The following HACL1 variants were observed in gnomAD, a reference collection of about 807,000 sequenced individuals.
The protein encoded by HACL1 is 1600020H07Rik.
HACL1 carries 64 observed loss-of-function variants against 74.2 expected under a neutral mutation model. The ratio of observed to expected loss-of-function variants is 0.86; its 90% CI spans 0.70 to 1.06. HACL1 has a LOEUF of 1.06. Ranked by LOEUF, HACL1 falls within the 50% of genes least tolerant of loss-of-function variation. The pLI is 0.00. For missense variants in HACL1, 728 were observed against 719.7 expected, an observed-to-expected ratio of 1.01 and a Z score of -0.13; for synonymous variants, 230 against 238.8, an observed-to-expected ratio of 0.96 and a Z score of 0.34.
At position 15,567,206 on chromosome 3, in the gene HACL1, C is replaced by CTT. The variant is rs34317560; in HGVS notation, c.1409+636_1409+637dup. Among the ~76,000 whole-genome samples, 543 of 81,120 alleles carry CTT rather than the reference C, an allele frequency of 6.7e-3. 9 individuals carry two copies. Among genetic ancestry groups the CTT allele is most frequent in the Non-Finnish European group, 7.8e-3 (324 of 41,412 alleles). The allele number at this position is 81,120 out of a possible 152,430, so 53.2% of individuals were successfully genotyped here. ...CCATTTGTCCCACAAGCCATGCTGC[C>CTT]TTTTTTTTTTTTTTTTTTTTTTGAG... On this transcript the variant is annotated intron_variant, in intron 14 of 16. Coordinates refer to ENST00000321169, the MANE Select transcript of HACL1 (RefSeq NM_012260.4).
chr3:15,591,989 CCT>C (rs1439299943), intron 3 of HACL1, among the ~76,000 whole-genome samples: 7 of 146,810 alleles, frequency 4.8e-5, no homozygotes, highest in African/African-American at 1.5e-4. Flanking sequence ...ACACTATATA[CCT>C]ATAGTATATA....
intron 5 of HACL1, 33 bp from the exon 6 acceptor site, chr3:15,586,635 G>A (rs1237967231): frequency 8.2e-7 from 1 of 1,222,190 alleles, no homozygotes; most frequent in Admixed American, 1.8e-5. Flanking sequence ...TTAAAATTCA[G>A]CTCACAATCA....
At chr3:15,574,015 T>C (rs1276831843) in intron 10 of HACL1, among the ~76,000 whole-genome samples, 1 of 152,206 alleles carries the variant, frequency 6.6e-6, no homozygotes, top group East Asian at 1.9e-4. Context: ...AATTAGAAGT[T>C]GACTCCTTAA....
intron 5 of HACL1, among the ~76,000 whole-genome samples, chr3:15,588,595 A>G (rs948971253): frequency 1.3e-5 from 2 of 152,048 alleles, no homozygotes; most frequent in African/African-American, 4.8e-5. Flanking sequence ...CCTGTCTCAA[A>G]AAAGAAAAAA....
At chr3:15,594,406 TAAATAAATATTGAACTTG>T (rs962530167) in intron 3 of HACL1, among the ~76,000 whole-genome samples, 2 of 152,128 alleles carry the variant, frequency 1.3e-5, no homozygotes, top group African/African-American at 4.8e-5. Flanking sequence ...AGACTCCAAA[TAAATAAATATTGAACTTG>T]AATGTTTTAC....
chr3:15,598,349 T>C (rs2064110824), intron 2 of HACL1, among the ~76,000 whole-genome samples: 1 of 152,190 alleles, frequency 6.6e-6, no homozygotes, highest in African/African-American at 2.4e-5. Context: ...ATAAAAGATC[T>C]GTTCCTCTAC....
At chr3:15,583,196 G>A (rs1276141020) in intron 7 of HACL1, among the ~76,000 whole-genome samples, 1 of 152,078 alleles carries the variant, frequency 6.6e-6, no homozygotes, top group Non-Finnish European at 1.5e-5. Context: ...CTATTTTAAA[G>A]TAAATAGGCA....
chr3:15,586,558 G>A lies in HACL1; in HGVS notation c.426C>T (p.Ser142=), dbSNP rs368977501. The change falls in exon 6 of 17, where the codon AGC becomes AGT. Residue 142 remains serine (S), a synonymous_variant. Coordinates refer to ENST00000321169, the MANE Select transcript of HACL1 (RefSeq NM_012260.4). The part of the protein sequence containing the change: ...RLYTKFSARP[S]SIEAIPFVIE... ...TAACAAAAGGAATAGCTTCTATGCTGCTTGGGCGGGCAGAGAACTTGGTAT... is the reference window on the plus strand; with the variant it reads ...TAACAAAAGGAATAGCTTCTATGCTACTTGGGCGGGCAGAGAACTTGGTAT... 47 of 1,599,828 alleles carry A rather than the reference G, an allele frequency of 2.9e-5. No homozygotes were observed. The highest frequency in any genetic ancestry group is 3.9e-5 in the Non-Finnish European group (46 of 1,168,278).
intron 11 of HACL1, among the ~76,000 whole-genome samples, chr3:15,572,323 TAACA>T (rs1327753626): frequency 6.6e-6 from 1 of 152,116 alleles, no homozygotes; most frequent in Non-Finnish European, 1.5e-5. Context: ...TGCCAGATGC[TAACA>T]CCTGATAGAA....
Position 15,601,515 on chromosome 3 carries a change from A to C in HACL1, c.-52T>G. On this transcript the variant is annotated 5_prime_UTR_variant, in exon 1 of 17. It removes an upstream start codon present in the reference 5' UTR. Transcript: ENST00000321169. The stretch of plus-strand genomic sequence containing the variant: ...ACGCAGCCGGCAAACAAGCGGAATC[A>C]TCCAGCAAGGCAAACGCGAAATCGG... The C allele has an allele frequency of 6.2e-7, 1 of 1,609,268 alleles. No homozygotes were observed. Among genetic ancestry groups the C allele is most frequent in the African/African-American group, 1.3e-5 (1 of 75,032 alleles).
At chr3:15,575,145 T>C (rs2063601516) in intron 9 of HACL1, 63 bp from the exon 10 acceptor site, 1 of 846,268 alleles carries the variant, frequency 1.2e-6, no homozygotes, top group East Asian at 2.5e-5. Flanking sequence ...CGAAAATTCA[T>C]CTCTGAAGTA....
At chr3:15,578,097 C>CAAAAA (rs397876768) in intron 9 of HACL1, among the ~76,000 whole-genome samples, 1 of 60,288 alleles carries the variant, frequency 1.7e-5, no homozygotes, top group Non-Finnish European at 3.8e-5. Flanking sequence ...GACTCCGTCT[C>CAAAAA]AAAAAAAAAA....
intron 12 of HACL1, among the ~76,000 whole-genome samples, chr3:15,569,087 T>C (rs1282449215): frequency 6.6e-6 from 1 of 152,208 alleles, no homozygotes; most frequent in Non-Finnish European, 1.5e-5. Flanking sequence ...GGAGCTATCT[T>C]ACCCCCACTA....
Position 15,560,705 on chromosome 3 carries a change from T to A in HACL1, c.*160A>T. On this transcript the variant is annotated 3_prime_UTR_variant, in exon 17 of 17. Transcript: ENST00000321169. ...GAATAACTTTTTCTGTTACTTTTTCTAACTTTTTCTGTTTTTAATCAATTC... is the reference window on the plus strand; with the variant it reads ...GAATAACTTTTTCTGTTACTTTTTCAAACTTTTTCTGTTTTTAATCAATTC... The A allele has an allele frequency of 1.5e-6, 1 of 645,842 alleles. No individual in the cohort carries two copies. Among genetic ancestry groups the A allele is most frequent in the South Asian group, 1.8e-5 (1 of 55,668 alleles). The allele number at this position is 645,842 out of a possible 1,614,324, so 40.0% of individuals were successfully genotyped here. A position where few individuals can be genotyped will look rare whatever the true frequency, so the allele number is the denominator to read the frequency against.
rs909962661 is a variant in HACL1, at chr3:15,563,735, A to G, written c.1518-191T>C. ...TATAATTGTCTATATAGCAATGTCCAGTAGAACTTTCTGTGATGATAGAAA... is the reference window on the plus strand; with the variant it reads ...TATAATTGTCTATATAGCAATGTCCGGTAGAACTTTCTGTGATGATAGAAA... On this transcript the variant is annotated intron_variant, in intron 15 of 16. Coordinates refer to ENST00000321169, the MANE Select transcript of HACL1 (RefSeq NM_012260.4). Among the ~76,000 whole-genome samples, 16 of 152,372 alleles carry G rather than the reference A, an allele frequency of 1.1e-4. 4 individuals are homozygous for G. The highest frequency in any genetic ancestry group is 1.9e-4 in the East Asian group (1 of 5,194).
At chr3:15,583,471 A>G (rs1447709369) in intron 7 of HACL1, among the ~76,000 whole-genome samples, 1 of 152,150 alleles carries the variant, frequency 6.6e-6, no homozygotes, top group Non-Finnish European at 1.5e-5. Context: ...TTAACTGTCA[A>G]AACAATGAGG....
rs1348824778 is a variant in HACL1, at chr3:15,593,827, C to T, written c.228-2147G>A. Among the ~76,000 whole-genome samples, 12 of 120,656 alleles carry T rather than the reference C, an allele frequency of 9.9e-5. No homozygotes were observed. The East Asian group carries it at 2.1e-3, about 21-fold the overall frequency. 79.2% of individuals were successfully genotyped at this position (120,656 alleles called of 152,430 possible). On this transcript the variant is annotated intron_variant, in intron 3 of 16. Coordinates refer to ENST00000321169, the MANE Select transcript of HACL1 (RefSeq NM_012260.4). ...TTTTTTTTTTTTTGAGACGAAGTCT[C>T]GTTCTTGTTCCCCAGGCTGCAGTGC...
At chr3:15,580,437 G>A (rs558946609) in intron 8 of HACL1, among the ~76,000 whole-genome samples, 1 of 152,016 alleles carries the variant, frequency 6.6e-6, no homozygotes, top group East Asian at 1.9e-4. Flanking sequence ...CTCTCCTTCT[G>A]CCTATACCTG....
At chr3:15,566,876 T>C (rs1230283564) in intron 14 of HACL1, among the ~76,000 whole-genome samples, 1 of 144,018 alleles carries the variant, frequency 6.9e-6, no homozygotes, top group Non-Finnish European at 1.5e-5. Flanking sequence ...TAGAGTGCAG[T>C]GGTGCGATCT....
Sources: allele counts gnomAD v4.1 joint callset (sites outside exome capture counted in the v4.1 genomes callset), GRCh38; gene constraint gnomAD v4.1.1; transcripts MANE v1.5; gene names NCBI Gene and HGNC (gene_info 2026-07-23, HGNC 2026-07-21).